The following COLGALT2 variants were observed in gnomAD, a reference collection of about 807,000 sequenced individuals.
COLGALT2 encodes the protein collagen beta(1-O)galactosyltransferase 2.
COLGALT2 carries 49 observed loss-of-function variants against 73.4 expected under a neutral mutation model. The observed-to-expected ratio is 0.67, with a 90% CI of 0.53 to 0.85. The LOEUF is 0.85. COLGALT2 is among the 40% of genes least tolerant of loss of function. COLGALT2 has a pLI of 0.00. For synonymous variants in COLGALT2, 295 were observed against 307.6 expected (o/e 0.96, Z 0.43); for missense variants, 722 against 790.2 (o/e 0.91, Z 1.03).
rs146100117 is a variant in COLGALT2, at chr1:183,985,409, A to G, written c.264-6889T>C. Among the ~76,000 whole-genome samples, 682 of 152,286 alleles carry G rather than the reference A, an allele frequency of 4.5e-3. 6 individuals are homozygous for G. Among genetic ancestry groups the G allele is most frequent in the Admixed American group, 8.0e-3 (123 of 15,298 alleles). ...TGCCTTAGCCTTCTAAGTAGCTGGG[A>G]TTACAGGCATGCGCCACCATGCCCA... On this transcript the variant is annotated intron_variant, in intron 1 of 11. Coordinates refer to ENST00000361927, the MANE Select transcript of COLGALT2 (RefSeq NM_015101.4).
At chr1:183,943,881 G>A (rs1202660531) in intron 10 of COLGALT2, among the ~76,000 whole-genome samples, 4 of 152,150 alleles carry the variant, frequency 2.6e-5, no homozygotes, top group Admixed American at 6.5e-5. Context: ...CGTTAATTGA[G>A]GGTGGGATTT....
At chr1:183,968,547 T>C (rs1670941362) in intron 5 of COLGALT2, among the ~76,000 whole-genome samples, 1 of 152,146 alleles carries the variant, frequency 6.6e-6, no homozygotes, top group Non-Finnish European at 1.5e-5. Context: ...AGTGTGAAAA[T>C]TGCAGTGCAT....
At chr1:183,979,955 T>C (rs1671303389) in intron 1 of COLGALT2, among the ~76,000 whole-genome samples, 1 of 152,046 alleles carries the variant, frequency 6.6e-6, no homozygotes, top group African/African-American at 2.4e-5. Flanking sequence ...TAGAAGTTGA[T>C]AATAAAATAA....
chr1:183,934,655 C>T (rs17503785), downstream of COLGALT2, among the ~76,000 whole-genome samples: 1 of 152,174 alleles, frequency 6.6e-6, no homozygotes, highest in African/African-American at 2.4e-5. Context: ...TGGATCATTT[C>T]TTTCCTCTGT....
At chr1:183,997,426 T>C (rs1171627904) in intron 1 of COLGALT2, among the ~76,000 whole-genome samples, 1 of 152,206 alleles carries the variant, frequency 6.6e-6, no homozygotes, top group Non-Finnish European at 1.5e-5. Context: ...TAATCTCTAG[T>C]CTGAATTTTT....
intron 6 of COLGALT2, among the ~76,000 whole-genome samples, chr1:183,957,800 T>A (rs935007834): frequency 1.1e-4 from 16 of 149,544 alleles, no homozygotes; most frequent in East Asian, 5.9e-4. Context: ...TTTTTTTTTT[T>A]ACAAATAAAG....
rs78465506 is a variant in COLGALT2 at position 184,020,803 on chromosome 1, G to A, written c.263+16292C>T. Among the ~76,000 whole-genome samples, 160 of 152,254 alleles carry A rather than the reference G, an allele frequency of 1.1e-3. 1 individual carries two copies. The highest frequency in any genetic ancestry group is 3.6e-3 in the African/African-American group (151 of 41,556). ...CATCTCAAACAGTAACATTTATTAT[G>A]TTCTTAGATTGTATGGGTCAAGCCC... On this transcript the variant is annotated intron_variant, in intron 1 of 11. Transcript: ENST00000361927.
Position 183,937,639 on chromosome 1 carries a change from T to TCA in COLGALT2, c.*1120_*1121dup. The TCA allele has an allele frequency of 1.0e-6, 1 of 985,330 alleles. No individual in the cohort carries two copies. Among genetic ancestry groups the TCA allele is most frequent in the African/African-American group, 1.7e-5 (1 of 57,298 alleles). 61.0% of individuals were successfully genotyped at this position (985,330 alleles called of 1,614,324 possible). ...CCCCACAAGAGCCTGGCTGGGAAAT[T>TCA]CAGGAGAATCAGATTGCCGAACCAA... On this transcript the variant is annotated 3_prime_UTR_variant, in exon 12 of 12. Coordinates refer to ENST00000361927, the MANE Select transcript of COLGALT2 (RefSeq NM_015101.4).
chr1:183,978,365 G>T, intron 2 of COLGALT2, 45 bp downstream of exon 2: 1 of 1,068,432 alleles, frequency 9.4e-7, no homozygotes, highest in Middle Eastern at 2.0e-4. Flanking sequence ...TAGTTAAAGA[G>T]GAAGGGTAAA....
intron 10 of COLGALT2, among the ~76,000 whole-genome samples, chr1:183,943,265 C>T (rs1042075825): frequency 6.6e-5 from 10 of 152,292 alleles, no homozygotes; most frequent in Middle Eastern, 3.4e-3. Context: ...AGTTAAATAC[C>T]GCCTGTGGGT....
intron 1 of COLGALT2, among the ~76,000 whole-genome samples, chr1:184,029,673 C>A (rs1251142937): frequency 6.6e-6 from 1 of 152,216 alleles, no homozygotes; most frequent in Non-Finnish European, 1.5e-5. Context: ...GATATATGAA[C>A]TTTTGGATAA....
Position 183,964,111 on chromosome 1 carries a change from C to A in COLGALT2, c.833-91G>T, listed in dbSNP as rs745954000. The stretch of plus-strand genomic sequence containing the variant: ...GAAGGAACCTGAACTGTGTCTGATG[C>A]TGAGTTTGACACTGCAATTAAATAA... On this transcript the variant is annotated intron_variant, in intron 5 of 11. Transcript: ENST00000361927. 175 of 1,385,238 alleles carry A rather than the reference C, an allele frequency of 1.3e-4. 10 individuals are homozygous for A. Among genetic ancestry groups the A allele is most frequent in the South Asian group, 5.1e-4 (36 of 71,070 alleles). 85.8% of individuals were successfully genotyped at this position (1,385,238 alleles called of 1,614,324 possible). A position where few individuals can be genotyped will look rare whatever the true frequency, so the allele number is the denominator to read the frequency against.
intron 11 of COLGALT2, among the ~76,000 whole-genome samples, chr1:183,940,174 C>CTA (rs1273409112): frequency 6.6e-6 from 1 of 152,108 alleles, no homozygotes; most frequent in Non-Finnish European, 1.5e-5. Flanking sequence ...AGATTGTGAG[C>CTA]TATGCAAAAA....
intron 1 of COLGALT2, among the ~76,000 whole-genome samples, chr1:183,997,865 G>A (rs973217843): frequency 6.6e-6 from 1 of 152,190 alleles, no homozygotes; most frequent in African/African-American, 2.4e-5. Flanking sequence ...TGCCAATGCT[G>A]TAATACCTCA....
Position 183,951,408 on chromosome 1 carries a change from T to C in COLGALT2, c.1030-295A>G, listed in dbSNP as rs190154557. ...AATAGGAAAGTTTAAAAAACTACTC[T>C]TTAAGAGGTCAAAGGACAATACGAT... On this transcript the variant is annotated intron_variant, in intron 7 of 11. Transcript: ENST00000361927. Among the ~76,000 whole-genome samples, 4 of 152,312 alleles carry C rather than the reference T, an allele frequency of 2.6e-5. No homozygotes were observed. The East Asian group carries it at 7.7e-4, about 29-fold the overall frequency.
At chr1:183,941,659 T>C (rs12564008) in intron 10 of COLGALT2, among the ~76,000 whole-genome samples, 46,514 of 152,106 alleles carry the variant, frequency 0.31, 7,255 homozygotes, top group East Asian at 0.48. Context: ...GATTCCCCCT[T>C]GTGAAAGCAT....
chr1:183,950,115 T>C (rs960255607), intron 8 of COLGALT2, among the ~76,000 whole-genome samples: 18 of 152,234 alleles, frequency 1.2e-4, no homozygotes, highest in Admixed American at 2.0e-4. Context: ...CAGTATTTTA[T>C]GGGGCAATCC....
intron 1 of COLGALT2, among the ~76,000 whole-genome samples, chr1:184,018,384 CTATAG>C (rs2102853021): frequency 6.6e-6 from 1 of 152,178 alleles, no homozygotes; most frequent in South Asian, 2.1e-4. Context: ...ATTTGTTGCC[CTATAG>C]TATTTTAGGA....
At chr1:183,940,315 G>A (rs1348132578) in intron 11 of COLGALT2, among the ~76,000 whole-genome samples, 3 of 152,176 alleles carry the variant, frequency 2.0e-5, no homozygotes, top group Admixed American at 2.0e-4. Context: ...CAAAGACAAG[G>A]AGGGGACCAA....
Sources: allele counts gnomAD v4.1 joint callset (sites outside exome capture counted in the v4.1 genomes callset), GRCh38; gene constraint gnomAD v4.1.1; transcripts MANE v1.5; gene names NCBI Gene and HGNC (gene_info 2026-07-23, HGNC 2026-07-21).